The following ATAD2B variants were observed in gnomAD, a reference collection of about 807,000 sequenced individuals.
ATAD2B encodes ATPase family AAA domain containing 2B, also known as ATPase family AAA domain-containing protein 2B.
Under a neutral mutation model 167.6 loss-of-function variants are expected in ATAD2B, and 40 were observed. The observed-to-expected ratio is 0.24, with a 90% CI of 0.19 to 0.31. The LOEUF (loss-of-function observed/expected upper bound fraction) is 0.31, where lower values mean the gene tolerates loss of function less well. ATAD2B is among the 10% of genes least tolerant of loss of function. ATAD2B has a pLI of 1.00. For missense variants in ATAD2B, 1,242 were observed against 1,757.2 expected, an observed-to-expected ratio of 0.71 and a Z score of 5.24; for synonymous variants, 579 against 596.5, an observed-to-expected ratio of 0.97 and a Z score of 0.43.
chr2:23,803,313 T>TACACAC lies in ATAD2B; in HGVS notation c.2455-4996_2455-4991dup, dbSNP rs150446002. The stretch of plus-strand genomic sequence containing the variant: ...TGAAATGCTCAGTAACATATGTGTG[T>TACACAC]ACACACACACACACACACACACACA... On this transcript the variant is annotated intron_variant, in intron 18 of 27. Transcript: ENST00000238789. Among the ~76,000 whole-genome samples, 73 of 149,480 alleles carry TACACAC rather than the reference T, an allele frequency of 4.9e-4. 1 individual carries two copies. Among genetic ancestry groups the TACACAC allele is most frequent in the African/African-American group, 1.6e-3 (67 of 40,798 alleles).
At chr2:23,699,245 C>CAGAA in the ATAD2B span, among the ~76,000 whole-genome samples, 1 of 152,162 alleles carries the variant, frequency 6.6e-6, no homozygotes, top group Admixed American at 6.6e-5. Flanking sequence ...AGGAGGCTCA[C>CAGAA]AGAAAGAAAG....
At chr2:23,922,811 T>C (rs955256736) in intron 1 of ATAD2B, among the ~76,000 whole-genome samples, 4 of 151,500 alleles carry the variant, frequency 2.6e-5, no homozygotes, top group Non-Finnish European at 5.9e-5. Flanking sequence ...CAATGAGATA[T>C]CACCTCACAC....
At chr2:23,907,823 GA>G (rs1161939521) in intron 1 of ATAD2B, among the ~76,000 whole-genome samples, 1 of 152,126 alleles carries the variant, frequency 6.6e-6, no homozygotes, top group Non-Finnish European at 1.5e-5. Flanking sequence ...AGAGCCCTCA[GA>G]AATAACGCCG....
Position 23,760,785 on chromosome 2 carries a change from G to A in ATAD2B, c.3394+1424C>T, listed in dbSNP as rs935059699. Among the ~76,000 whole-genome samples the A allele has an allele frequency of 4.5e-5, 6 of 132,442 alleles. No individual in the cohort carries two copies. In the East Asian group the frequency reaches 1.0e-3, roughly 23 times the overall value. 86.9% of individuals were successfully genotyped at this position (132,442 alleles called of 152,430 possible). On this transcript the variant is annotated intron_variant, in intron 24 of 27. Coordinates refer to ENST00000238789, the MANE Select transcript of ATAD2B (RefSeq NM_017552.4). Reference sequence around the variant, plus strand: ...ACACACACACACCACTTCCTTCATCGGGGTGCTCTGTGTGAAAAGTCCATT... The same window carrying A: ...ACACACACACACCACTTCCTTCATCAGGGTGCTCTGTGTGAAAAGTCCATT...
At chr2:23,854,855 A>C (rs11903395) in intron 13 of ATAD2B, among the ~76,000 whole-genome samples, 3,978 of 152,284 alleles carry the variant, frequency 0.026, 175 homozygotes, top group African/African-American at 0.091. Context: ...AAAAGTCCTA[A>C]CTAAGCAAAC....
the ATAD2B span, among the ~76,000 whole-genome samples, chr2:23,720,536 G>C: frequency 7.4e-6 from 1 of 135,968 alleles, no homozygotes; most frequent in African/African-American, 2.7e-5. Context: ...AAGAGATTGC[G>C]CCACTGCACT....
chr2:23,879,329 C>T (rs1243439616), intron 7 of ATAD2B, among the ~76,000 whole-genome samples: 1 of 151,838 alleles, frequency 6.6e-6, no homozygotes, highest in East Asian at 1.9e-4. Context: ...AAGGAATACA[C>T]AGCTGGATGC....
At chr2:23,879,163 A>G (rs2150190493) in intron 7 of ATAD2B, among the ~76,000 whole-genome samples, 1 of 152,324 alleles carries the variant, frequency 6.6e-6, no homozygotes, top group East Asian at 1.9e-4. Context: ...ACAAAAACAT[A>G]TGTCCACACA....
intron 4 of ATAD2B, among the ~76,000 whole-genome samples, chr2:23,887,230 C>T (rs111588172): frequency 3.2e-4 from 48 of 152,210 alleles, no homozygotes; most frequent in African/African-American, 1.2e-3. Context: ...CGTCACTGCA[C>T]TCCAGCCTGG....
chr2:23,804,012 G>C (rs763763693), intron 18 of ATAD2B, among the ~76,000 whole-genome samples: 3 of 152,140 alleles, frequency 2.0e-5, no homozygotes, highest in African/African-American at 4.8e-5. Context: ...AGGAGGACTA[G>C]CTGCCAAGAA....
chr2:23,861,608 A>G (rs1197341564), intron 12 of ATAD2B, among the ~76,000 whole-genome samples: 2 of 152,114 alleles, frequency 1.3e-5, no homozygotes, highest in Non-Finnish European at 1.5e-5. Flanking sequence ...GAGTAGCATG[A>G]TTTATGCTAT....
intron 22 of ATAD2B, among the ~76,000 whole-genome samples, chr2:23,774,954 C>T (rs1678861179): frequency 6.6e-6 from 1 of 151,972 alleles, no homozygotes. Context: ...ATTTACTCAT[C>T]GGCCACATTT....
At chr2:23,714,086 T>C in the ATAD2B span, among the ~76,000 whole-genome samples, 3 of 152,160 alleles carry the variant, frequency 2.0e-5, no homozygotes, top group South Asian at 6.2e-4. Context: ...GTCCAAGTTT[T>C]CTTCTCTTCT....
At chr2:23,813,510 G>C (rs1190907544) in intron 17 of ATAD2B, among the ~76,000 whole-genome samples, 1 of 151,400 alleles carries the variant, frequency 6.6e-6, no homozygotes, top group Non-Finnish European at 1.5e-5. Flanking sequence ...TGCGGTGGGG[G>C]GATCATTTGA....
intron 13 of ATAD2B, among the ~76,000 whole-genome samples, chr2:23,852,333 C>G (rs1397276205): frequency 1.3e-5 from 2 of 151,886 alleles, no homozygotes; most frequent in African/African-American, 4.8e-5. Context: ...CTATGTTGCC[C>G]AGGCTGCTCT....
intron 12 of ATAD2B, among the ~76,000 whole-genome samples, chr2:23,860,185 G>A (rs894617683): frequency 1.3e-5 from 2 of 152,238 alleles, no homozygotes; most frequent in Non-Finnish European, 2.9e-5. Flanking sequence ...ACAGCAAGAA[G>A]GCACTGACCA....
intron 10 of ATAD2B, among the ~76,000 whole-genome samples, chr2:23,866,624 G>C (rs1044173483): frequency 1.3e-5 from 2 of 152,078 alleles, no homozygotes; most frequent in African/African-American, 2.4e-5. Flanking sequence ...CTTCTGAGAA[G>C]GTGCACTATT....
chr2:23,779,059 T>G (rs1372410503), intron 22 of ATAD2B, among the ~76,000 whole-genome samples: 1 of 152,058 alleles, frequency 6.6e-6, no homozygotes, highest in Non-Finnish European at 1.5e-5. Context: ...CATGCTTTAC[T>G]ATCCATCCTG....
In ATAD2B at chr2:23,909,877, T is replaced by G. The variant is rs1033295951; in HGVS notation, c.217-13907A>C. ...TTTTTTTGTTTGTTTTTGTTTTTTTTGGTTTTTAAGAGATGAGATATTATT... is the reference window on the plus strand; with the variant it reads ...TTTTTTTGTTTGTTTTTGTTTTTTTGGGTTTTTAAGAGATGAGATATTATT... On this transcript the variant is annotated intron_variant, in intron 1 of 27. Transcript: ENST00000238789. 4.6e-5 allele frequency among the ~76,000 whole-genome samples: 7 copies of G among 152,198 alleles called. No individual in the cohort carries two copies. In the South Asian group the frequency reaches 6.2e-4, roughly 14 times the overall value.
Sources: allele counts gnomAD v4.1 joint callset (sites outside exome capture counted in the v4.1 genomes callset), GRCh38; gene constraint gnomAD v4.1.1; transcripts MANE v1.5; gene names NCBI Gene and HGNC (gene_info 2026-07-23, HGNC 2026-07-21).